The following PRKCA variants were observed in gnomAD, a reference collection of about 807,000 sequenced individuals.
The protein encoded by PRKCA is protein kinase C alpha type.
PRKCA carries 27 observed loss-of-function variants against 87.0 expected under a neutral mutation model. The observed-to-expected ratio is 0.31, with a 90% confidence interval of 0.23 to 0.43. The LOEUF (loss-of-function observed/expected upper bound fraction) is 0.43. PRKCA is among the 20% of genes least tolerant of loss of function. The pLI, the probability that PRKCA is intolerant of heterozygous loss-of-function variation, is 1.00. For missense variants in PRKCA, 518 were observed against 852.3 expected (o/e 0.61, Z 4.88); for synonymous variants, 329 against 311.1 (o/e 1.06, Z -0.61).
intron 3 of PRKCA, among the ~76,000 whole-genome samples, chr17:66,533,423 T>C (rs368683357): frequency 5.9e-5 from 9 of 152,244 alleles, no homozygotes; most frequent in African/African-American, 1.7e-4. Flanking sequence ...TGGCCTGTCC[T>C]GACCCCCCTG....
intron 2 of PRKCA, among the ~76,000 whole-genome samples, chr17:66,368,558 T>G (rs988281242): frequency 6.6e-6 from 1 of 150,662 alleles, no homozygotes; most frequent in East Asian, 2.0e-4. Flanking sequence ...ATCCGGCTAA[T>G]TTTTGTATTT....
intron 10 of PRKCA, among the ~76,000 whole-genome samples, chr17:66,737,179 C>T (rs189549824): frequency 6.3e-4 from 93 of 146,518 alleles, no homozygotes; most frequent in Non-Finnish European, 1.2e-3. Context: ...GGTGAAACCC[C>T]GTCTCTACTA....
At chr17:66,765,430 A>ATCTATATATCTATATC (rs1568020939) in intron 13 of PRKCA, among the ~76,000 whole-genome samples, 1 of 130,878 alleles carries the variant, frequency 7.6e-6, no homozygotes, top group Non-Finnish European at 1.6e-5. Context: ...ATATATATAT[A>ATCTATATATCTATATC]TATATATATA....
chr17:66,593,012 G>A (rs1000224236), intron 3 of PRKCA, among the ~76,000 whole-genome samples: 18 of 152,082 alleles, frequency 1.2e-4, no homozygotes, highest in African/African-American at 4.3e-4. Flanking sequence ...GGCTGGTCTC[G>A]AACTCCCGAC....
intron 2 of PRKCA, among the ~76,000 whole-genome samples, chr17:66,456,733 C>T (rs1227297077): frequency 6.6e-6 from 1 of 152,218 alleles, no homozygotes; most frequent in Non-Finnish European, 1.5e-5. Flanking sequence ...GCTGCACCTA[C>T]TGGCTTCCCA....
At chr17:66,680,240 T>C (rs1972452664) in intron 5 of PRKCA, among the ~76,000 whole-genome samples, 1 of 152,210 alleles carries the variant, frequency 6.6e-6, no homozygotes, top group South Asian at 2.1e-4. Flanking sequence ...TTGTTTGTTT[T>C]TTCTGCAGTG....
intron 2 of PRKCA, among the ~76,000 whole-genome samples, chr17:66,454,730 A>G (rs531677691): frequency 4.6e-5 from 7 of 152,334 alleles, no homozygotes; most frequent in Non-Finnish European, 2.9e-5. Flanking sequence ...TTCAATTAAT[A>G]ACTCCCACTG....
chr17:66,444,760 G>T (rs1326341940), intron 2 of PRKCA, among the ~76,000 whole-genome samples: 1 of 152,154 alleles, frequency 6.6e-6, no homozygotes, highest in East Asian at 1.9e-4. Context: ...TTGTGATTGT[G>T]AATTATTTGT....
intron 3 of PRKCA, among the ~76,000 whole-genome samples, chr17:66,571,105 C>A (rs566363359): frequency 3.3e-5 from 5 of 152,174 alleles, no homozygotes; most frequent in African/African-American, 7.2e-5. Flanking sequence ...TCTTAAATTT[C>A]GTACTAAATG....
At chr17:66,464,076 A>G (rs1914977442) in intron 2 of PRKCA, among the ~76,000 whole-genome samples, 1 of 151,974 alleles carries the variant, frequency 6.6e-6, no homozygotes, top group African/African-American at 2.4e-5. Flanking sequence ...TGATCCTTCT[A>G]TTGTCTCCAT....
chr17:66,345,929 T>C (rs946267636), intron 2 of PRKCA, among the ~76,000 whole-genome samples: 1 of 152,146 alleles, frequency 6.6e-6, no homozygotes, highest in Admixed American at 6.5e-5. Flanking sequence ...ATTAATTTCA[T>C]TGAACGAATA....
chr17:66,451,569 G>A (rs990241496), intron 2 of PRKCA, among the ~76,000 whole-genome samples: 4 of 152,140 alleles, frequency 2.6e-5, no homozygotes, highest in African/African-American at 9.7e-5. Context: ...TCATGTTGTA[G>A]CGAATGTCTA....
intron 3 of PRKCA, among the ~76,000 whole-genome samples, chr17:66,527,074 C>T (rs548172096): frequency 1.3e-5 from 2 of 152,236 alleles, no homozygotes; most frequent in South Asian, 4.2e-4. Flanking sequence ...ATACTTGAGG[C>T]AGAGACTGAG....
chr17:66,706,594 C>T (rs183695900), intron 8 of PRKCA, among the ~76,000 whole-genome samples: 140 of 150,626 alleles, frequency 9.3e-4, no homozygotes, highest in Admixed American at 2.7e-3. Context: ...GCCGAGATCA[C>T]GCCACTGCAC....
intron 2 of PRKCA, among the ~76,000 whole-genome samples, chr17:66,464,201 G>A (rs1353434853): frequency 6.6e-6 from 1 of 151,974 alleles, no homozygotes; most frequent in East Asian, 1.9e-4. Context: ...TCTTTTCGTG[G>A]CTGGATGGCT....
intron 16 of PRKCA, chr17:66,796,330 C>T (rs758318741): frequency 2.8e-5 from 16 of 577,122 alleles, no homozygotes; most frequent in Non-Finnish European, 3.1e-5. Flanking sequence ...CAGGTGTTTC[C>T]GCATCAGCTC....
At chr17:66,370,549 CTTTTTTTTTT>C (rs555797425) in intron 2 of PRKCA, among the ~76,000 whole-genome samples, 4 of 113,672 alleles carry the variant, frequency 3.5e-5, no homozygotes, top group Non-Finnish European at 5.5e-5. Flanking sequence ...CTTTTCTTTT[CTTTTTTTTTT>C]TTTTTTTTTT....
In PRKCA at chr17:66,805,168, G is replaced by A. The variant is rs571861042; in HGVS notation, c.*1131G>A. ...GTTTTGGTTCCCATTTCTAGTTCAC[G>A]TTGAATGACAGGCCTGGAGCTGTAG... On this transcript the variant is annotated 3_prime_UTR_variant, in exon 17 of 17. Coordinates refer to ENST00000413366, the MANE Select transcript of PRKCA (RefSeq NM_002737.3). The A allele has an allele frequency of 7.1e-5, 69 of 969,434 alleles. No individual in the cohort carries two copies. Among genetic ancestry groups the A allele is most frequent in the African/African-American group, 1.2e-4 (7 of 56,956 alleles). 60.1% of individuals were successfully genotyped at this position (969,434 alleles called of 1,614,324 possible).
At chr17:66,342,483 T>TAAA (rs1218953444) in intron 2 of PRKCA, among the ~76,000 whole-genome samples, 2 of 134,532 alleles carry the variant, frequency 1.5e-5, no homozygotes, top group South Asian at 2.4e-4. Context: ...ATAATAATAA[T>TAAA]AAATTCAGAG....
Sources: allele counts gnomAD v4.1 joint callset (sites outside exome capture counted in the v4.1 genomes callset), GRCh38; gene constraint gnomAD v4.1.1; transcripts MANE v1.5; gene names NCBI Gene and HGNC (gene_info 2026-07-23, HGNC 2026-07-21).